The following DDX10 variants were observed in gnomAD, a reference collection of about 807,000 sequenced individuals.
DDX10 encodes DEAD-box helicase 10.
DDX10 carries 74 observed loss-of-function variants against 104.3 expected under a neutral mutation model. The observed-to-expected ratio is 0.71, with a 90% CI of 0.59 to 0.86. DDX10 has a LOEUF of 0.86. Ranked by LOEUF, DDX10 falls within the 40% of genes least tolerant of loss-of-function variation. DDX10 has a pLI of 0.00. For synonymous variants in DDX10, 351 were observed against 353.4 expected, an observed-to-expected ratio of 0.99 and a Z score of 0.08; for missense variants, 952 against 1,040.0, an observed-to-expected ratio of 0.92 and a Z score of 1.16.
chr11:108,738,843 C>T (rs2094321456), intron 13 of DDX10, among the ~76,000 whole-genome samples: 1 of 152,072 alleles, frequency 6.6e-6, no homozygotes, highest in African/African-American at 2.4e-5. Flanking sequence ...GCACAGCAGG[C>T]AGTATGAGCT....
At chr11:108,690,455 G>GA (rs2094250707) in intron 7 of DDX10, 1 of 153,748 alleles carries the variant, frequency 6.5e-6, no homozygotes, top group African/African-American at 2.4e-5. Flanking sequence ...CACCAGCACA[G>GA]AGAGGGTCTG....
intron 13 of DDX10, among the ~76,000 whole-genome samples, chr11:108,819,767 C>G (rs1373922998): frequency 6.6e-6 from 1 of 152,014 alleles, no homozygotes; most frequent in South Asian, 2.1e-4. Context: ...CCCAGCTGAT[C>G]TTTGTATTTT....
At chr11:108,855,840 T>A (rs1862861186) in intron 16 of DDX10, among the ~76,000 whole-genome samples, 1 of 152,210 alleles carries the variant, frequency 6.6e-6, no homozygotes, top group African/African-American at 2.4e-5. Flanking sequence ...AGGAAAGAGC[T>A]CAAACACTTA....
At chr11:108,806,209 C>T (rs945582733) in intron 13 of DDX10, among the ~76,000 whole-genome samples, 6 of 152,132 alleles carry the variant, frequency 3.9e-5, no homozygotes, top group Non-Finnish European at 7.4e-5. Context: ...GTGATCCCTC[C>T]GCCTTGGCCT....
At chr11:108,765,461 G>A (rs774423702) in intron 13 of DDX10, among the ~76,000 whole-genome samples, 1 of 152,176 alleles carries the variant, frequency 6.6e-6, no homozygotes, top group Admixed American at 6.5e-5. Flanking sequence ...GAGACTATTA[G>A]TTTTAAGGTA....
At position 108,692,004 on chromosome 11, in the gene DDX10, A is replaced by G. The variant is rs1045073013; in HGVS notation, c.1104A>G (p.Val368=). The change falls in exon 8 of 18, where the codon GTA becomes GTG. Residue 368 remains valine, a synonymous_variant. Coordinates refer to ENST00000322536, the MANE Select transcript of DDX10 (RefSeq NM_004398.4). Reference sequence around the variant, plus strand: ...AGTTTGTCCGTAAGAGAGCTGCAGTACTCTTTGCTACTGATATTGCAGCCA... The same window carrying G: ...AGTTTGTCCGTAAGAGAGCTGCAGTGCTCTTTGCTACTGATATTGCAGCCA... ...YNEFVRKRAA[V]LFATDIAARG... 4 of 1,612,926 alleles carry G rather than the reference A, an allele frequency of 2.5e-6. No individual in the cohort carries two copies. Among genetic ancestry groups the G allele is most frequent in the East Asian group, 4.5e-5 (2 of 44,810 alleles).
intron 16 of DDX10, among the ~76,000 whole-genome samples, chr11:108,908,526 C>T (rs1863627290): frequency 6.6e-6 from 1 of 152,110 alleles, no homozygotes; most frequent in Non-Finnish European, 1.5e-5. Flanking sequence ...TTTATGAATG[C>T]TGTATGGCAT....
chr11:108,875,137 A>T (rs181248661), intron 16 of DDX10, among the ~76,000 whole-genome samples: 77 of 152,334 alleles, frequency 5.1e-4, no homozygotes, highest in Non-Finnish European at 9.0e-4. Context: ...CCATAGAACC[A>T]TAAAGTTTCT....
intron 13 of DDX10, among the ~76,000 whole-genome samples, chr11:108,729,393 A>C (rs1482521725): frequency 6.6e-6 from 1 of 152,162 alleles, no homozygotes; most frequent in African/African-American, 2.4e-5. Flanking sequence ...CTGAGGAGTG[A>C]TTGAATAACC....
intron 9 of DDX10, among the ~76,000 whole-genome samples, chr11:108,703,878 G>A (rs1358575871): frequency 6.6e-6 from 1 of 152,186 alleles, no homozygotes; most frequent in Admixed American, 6.5e-5. Flanking sequence ...GGGAAAAGAT[G>A]TGTGTAATGT....
intron 1 of DDX10, among the ~76,000 whole-genome samples, chr11:108,670,407 G>C (rs925621354): frequency 6.6e-6 from 1 of 152,180 alleles, no homozygotes; most frequent in African/African-American, 2.4e-5. Flanking sequence ...CTGCAGCACA[G>C]TTCCAAGAAA....
chr11:108,911,153 A>T (rs1412692046), intron 16 of DDX10, among the ~76,000 whole-genome samples: 1 of 152,300 alleles, frequency 6.6e-6, no homozygotes, highest in South Asian at 2.1e-4. Context: ...TTTTGTTATC[A>T]GGGCAGGGAC....
chr11:108,871,045 G>T (rs920060683), intron 16 of DDX10, among the ~76,000 whole-genome samples: 3 of 152,168 alleles, frequency 2.0e-5, no homozygotes, highest in Non-Finnish European at 4.4e-5. Context: ...AAATAAAGAG[G>T]GGGAGGGCTA....
intron 3 of DDX10, among the ~76,000 whole-genome samples, chr11:108,675,967 G>T (rs2094224510): frequency 6.6e-6 from 1 of 152,214 alleles, no homozygotes; most frequent in African/African-American, 2.4e-5. Flanking sequence ...GAACTATTGT[G>T]CCTTGACAAG....
chr11:108,934,700 G>A (rs1486422860), intron 17 of DDX10, among the ~76,000 whole-genome samples: 1 of 152,202 alleles, frequency 6.6e-6, no homozygotes, highest in African/African-American at 2.4e-5. Flanking sequence ...AATTTAAACT[G>A]TCCATTGACA....
At chr11:108,903,200 C>G (rs1863541236) in intron 16 of DDX10, among the ~76,000 whole-genome samples, 1 of 152,080 alleles carries the variant, frequency 6.6e-6, no homozygotes, top group South Asian at 2.1e-4. Context: ...AACCTAGTAC[C>G]CTTTAGCTCC....
At chr11:108,932,721 C>G (rs549205795) in intron 17 of DDX10, among the ~76,000 whole-genome samples, 1 of 152,082 alleles carries the variant, frequency 6.6e-6, no homozygotes, top group East Asian at 1.9e-4. Flanking sequence ...TAAAAGAAAA[C>G]AAAAGTTATG....
At chr11:108,704,634 A>G (rs1362302423) in intron 9 of DDX10, among the ~76,000 whole-genome samples, 1 of 152,216 alleles carries the variant, frequency 6.6e-6, no homozygotes, top group South Asian at 2.1e-4. Context: ...GTTTGGTCCC[A>G]TACTGCTTAG....
chr11:108,689,158 C>T, intron 7 of DDX10, 96 bp downstream of exon 7: 1 of 1,335,346 alleles, frequency 7.5e-7, no homozygotes, highest in Non-Finnish European at 1.1e-6. Context: ...ACGAGAAGTA[C>T]AGTGCTAGGT....
Sources: allele counts gnomAD v4.1 joint callset (sites outside exome capture counted in the v4.1 genomes callset), GRCh38; gene constraint gnomAD v4.1.1; transcripts MANE v1.5; gene names NCBI Gene and HGNC (gene_info 2026-07-23, HGNC 2026-07-21).